CSMD3: variants seen among roughly 807,000 people sequenced by gnomAD.
CSMD3 encodes the protein CUB and Sushi multiple domains 3, also known as CUB and sushi domain-containing protein 3.
Under a neutral mutation model 435.2 loss-of-function variants are expected in CSMD3, and 177 were observed. The ratio of observed to expected loss-of-function variants is 0.41; its 90% confidence interval spans 0.36 to 0.46. CSMD3 has a LOEUF of 0.46. Among genes scored for constraint, CSMD3 ranks in the 20% least tolerant of loss-of-function variants. CSMD3 has a pLI of 0.34. For missense variants in CSMD3, 4,265 were observed against 4,504.6 expected, an observed-to-expected ratio of 0.95 and a Z score of 1.52; for synonymous variants, 1,656 against 1,520.5, an observed-to-expected ratio of 1.09 and a Z score of -2.07.
At chr8:112,371,812 C>G (rs940446808) in intron 38 of CSMD3, among the ~76,000 whole-genome samples, 2 of 151,750 alleles carry the variant, frequency 1.3e-5, no homozygotes, top group Non-Finnish European at 2.9e-5. Flanking sequence ...CACTTGAACC[C>G]GGGAGGTGGT....
At chr8:112,609,233 G>C (rs1431532676) in intron 22 of CSMD3, among the ~76,000 whole-genome samples, 2 of 69,834 alleles carry the variant, frequency 2.9e-5, no homozygotes, top group Admixed American at 1.6e-4. Context: ...AAAAAAAAAA[G>C]AATAGAAGAA....
At chr8:113,174,513 A>T (rs537314870) in intron 3 of CSMD3, among the ~76,000 whole-genome samples, 1 of 152,164 alleles carries the variant, frequency 6.6e-6, no homozygotes, top group Non-Finnish European at 1.5e-5. Context: ...GTAACATTTT[A>T]ATTAGATCAA....
chr8:112,377,697 G>C (rs1829075882), intron 38 of CSMD3, among the ~76,000 whole-genome samples: 1 of 151,884 alleles, frequency 6.6e-6, no homozygotes, highest in Admixed American at 6.6e-5. Flanking sequence ...CAAATGTATA[G>C]AAATCAATAA....
chr8:112,402,705 G>T (rs1256887454), intron 35 of CSMD3, among the ~76,000 whole-genome samples: 1 of 152,066 alleles, frequency 6.6e-6, no homozygotes, highest in Non-Finnish European at 1.5e-5. Flanking sequence ...ATGATTCTTA[G>T]TAATTACAGA....
intron 1 of CSMD3, among the ~76,000 whole-genome samples, chr8:113,325,772 C>A (rs1292861437): frequency 2.6e-5 from 4 of 152,202 alleles, no homozygotes; most frequent in Non-Finnish European, 5.9e-5. Flanking sequence ...AAGGGTCTCT[C>A]AGTCACAGAA....
intron 4 of CSMD3, among the ~76,000 whole-genome samples, chr8:113,172,410 A>G (rs890494444): frequency 1.3e-5 from 2 of 152,214 alleles, no homozygotes; most frequent in East Asian, 1.9e-4. Flanking sequence ...CACCAGCAGT[A>G]GCAGTAATGA....
At chr8:112,782,385 A>T (rs1328896355) in intron 13 of CSMD3, among the ~76,000 whole-genome samples, 1 of 152,074 alleles carries the variant, frequency 6.6e-6, no homozygotes, top group Non-Finnish European at 1.5e-5. Context: ...TTGAAAACAC[A>T]GAGTCAGAGC....
chr8:113,252,388 T>A (rs572291923), intron 3 of CSMD3, among the ~76,000 whole-genome samples: 25 of 152,284 alleles, frequency 1.6e-4, no homozygotes, highest in African/African-American at 5.8e-4. Flanking sequence ...TGTGAAGTTG[T>A]AATTCACTGG....
intron 13 of CSMD3, among the ~76,000 whole-genome samples, chr8:112,706,031 T>G (rs926018960): frequency 1.3e-5 from 2 of 152,074 alleles, no homozygotes; most frequent in Non-Finnish European, 2.9e-5. Flanking sequence ...AGGTACTGTG[T>G]CTGTGACAAA....
intron 22 of CSMD3, among the ~76,000 whole-genome samples, chr8:112,620,627 A>G (rs1380046051): frequency 6.6e-6 from 1 of 152,152 alleles, no homozygotes; most frequent in East Asian, 1.9e-4. Context: ...ATGGAAATTA[A>G]TCAACTGACC....
At chr8:113,303,444 G>A (rs1283556368) in intron 2 of CSMD3, among the ~76,000 whole-genome samples, 11 of 151,932 alleles carry the variant, frequency 7.2e-5, no homozygotes, top group South Asian at 2.1e-4. Context: ...AAAAGAGCCC[G>A]CATCACCAAG....
At chr8:112,437,191 G>A (rs137863435) in intron 32 of CSMD3, among the ~76,000 whole-genome samples, 2 of 152,136 alleles carry the variant, frequency 1.3e-5, no homozygotes, top group African/African-American at 4.8e-5. Flanking sequence ...ACAGTTGAAA[G>A]CAGTTGTATT....
At position 112,335,518 on chromosome 8, in the gene CSMD3, T is replaced by G. The variant is rs750799179; in HGVS notation, c.7020-44A>C. 2.5e-6 allele frequency: 4 copies of G among 1,574,104 alleles called. No individual in the cohort carries two copies. The South Asian group carries it at 4.4e-5, about 17-fold the overall frequency. On this transcript the variant is annotated intron_variant, in intron 44 of 70. Transcript: ENST00000297405. Reference sequence around the variant, plus strand: ...GAAAGGAGGAGAGATCAAGATTGATTGTGGAAGTAGTTTTGAACCGTATTT... The same window carrying G: ...GAAAGGAGGAGAGATCAAGATTGATGGTGGAAGTAGTTTTGAACCGTATTT...
At chr8:112,981,936 C>G (rs1174878529) in intron 6 of CSMD3, among the ~76,000 whole-genome samples, 1 of 151,550 alleles carries the variant, frequency 6.6e-6, no homozygotes, top group Non-Finnish European at 1.5e-5. Flanking sequence ...CAGTTTTACC[C>G]TAAGAAGGAG....
At chr8:112,362,687 AGAT>A (rs58185653) in intron 38 of CSMD3, among the ~76,000 whole-genome samples, 64,706 of 151,244 alleles carry the variant, frequency 0.43, 14,429 homozygotes, top group Middle Eastern at 0.54. Flanking sequence ...TTGATTTGAC[AGAT>A]GATGATTAGA....
chr8:112,231,055 A>T (rs1318267420), intron 69 of CSMD3, among the ~76,000 whole-genome samples: 2 of 152,164 alleles, frequency 1.3e-5, no homozygotes, highest in Non-Finnish European at 2.9e-5. Context: ...CACTGCAGAA[A>T]ATTTACATAT....
chr8:112,767,302 A>C (rs1156947939), intron 13 of CSMD3, among the ~76,000 whole-genome samples: 4 of 151,906 alleles, frequency 2.6e-5, no homozygotes, highest in Admixed American at 6.6e-5. Context: ...GCAGAGAAGC[A>C]TGAAGGTAGT....
At chr8:112,947,405 A>G (rs1470246043) in intron 9 of CSMD3, among the ~76,000 whole-genome samples, 1 of 151,720 alleles carries the variant, frequency 6.6e-6, no homozygotes, top group East Asian at 1.9e-4. Flanking sequence ...GAAACTCACC[A>G]TTATATGTGG....
chr8:113,074,143 A>C (rs2089244992), intron 5 of CSMD3, among the ~76,000 whole-genome samples: 1 of 142,006 alleles, frequency 7.0e-6, no homozygotes, highest in South Asian at 2.2e-4. Flanking sequence ...AGTCTCCAAA[A>C]TAAGACTTAA....
Sources: allele counts gnomAD v4.1 joint callset (sites outside exome capture counted in the v4.1 genomes callset), GRCh38; gene constraint gnomAD v4.1.1; transcripts MANE v1.5; gene names NCBI Gene and HGNC (gene_info 2026-07-23, HGNC 2026-07-21).